The following BRINP3 variants were observed in gnomAD, a reference collection of about 807,000 sequenced individuals.
The protein encoded by BRINP3 is BMP/retinoic acid inducible neural specific 3.
Under a neutral mutation model 71.0 loss-of-function variants are expected in BRINP3, and 19 were observed. That is an observed-to-expected ratio of 0.27 (90% CI 0.19 to 0.39). The LOEUF (loss-of-function observed/expected upper bound fraction) is 0.39, where lower values mean the gene tolerates loss of function less well. Ranked by LOEUF, BRINP3 falls within the 10% of genes least tolerant of loss-of-function variation. BRINP3 has a pLI of 1.00. For missense variants in BRINP3, 959 were observed against 940.8 expected, an observed-to-expected ratio of 1.02 and a Z score of -0.25; for synonymous variants, 380 against 337.7, an observed-to-expected ratio of 1.13 and a Z score of -1.37.
At chr1:190,105,504 C>A (rs1652074124) in intron 7 of BRINP3, among the ~76,000 whole-genome samples, 1 of 152,058 alleles carries the variant, frequency 6.6e-6, no homozygotes, top group Non-Finnish European at 1.5e-5. Context: ...TCACAACTCT[C>A]ACTACTCCCT....
At chr1:190,273,008 C>T (rs1662242309) in intron 3 of BRINP3, among the ~76,000 whole-genome samples, 1 of 150,028 alleles carries the variant, frequency 6.7e-6, no homozygotes, top group South Asian at 2.1e-4. Context: ...GAGAAGGGCA[C>T]TCAATTTACA....
chr1:190,202,803 C>A (rs1655123108), intron 6 of BRINP3, among the ~76,000 whole-genome samples: 1 of 152,066 alleles, frequency 6.6e-6, no homozygotes, highest in Non-Finnish European at 1.5e-5. Flanking sequence ...ATTGTGAGGC[C>A]TCCCCAGCCA....
At chr1:190,277,645 T>G (rs1190107164) in intron 3 of BRINP3, among the ~76,000 whole-genome samples, 1 of 151,768 alleles carries the variant, frequency 6.6e-6, no homozygotes, top group Non-Finnish European at 1.5e-5. Context: ...TTTTGTCATA[T>G]TCACTTATAT....
At chr1:190,163,897 A>G (rs1482734990) in intron 6 of BRINP3, among the ~76,000 whole-genome samples, 1 of 152,152 alleles carries the variant, frequency 6.6e-6, no homozygotes, top group African/African-American at 2.4e-5. Flanking sequence ...TTATCCCAGT[A>G]ATCCTTCATG....
intron 5 of BRINP3, among the ~76,000 whole-genome samples, chr1:190,228,105 A>G (rs1341831092): frequency 6.6e-6 from 1 of 152,018 alleles, no homozygotes; most frequent in Non-Finnish European, 1.5e-5. Context: ...TAAGGCAAGT[A>G]AAAAGTGTTA....
In BRINP3 at chr1:190,146,497, T is replaced by A. The variant is rs189803482; in HGVS notation, c.1184+14171A>T. Among the ~76,000 whole-genome samples the A allele has an allele frequency of 2.3e-3, 353 of 152,286 alleles. 1 individual carries two copies. Among genetic ancestry groups the A allele is most frequent in the African/African-American group, 7.4e-3 (306 of 41,578 alleles). Reference sequence around the variant, plus strand: ...TAAATATTCACTATTTTAATTACTATATCATCATCACCACCATTACTATCA... The same window carrying A: ...TAAATATTCACTATTTTAATTACTAAATCATCATCACCACCATTACTATCA... On this transcript the variant is annotated intron_variant, in intron 7 of 7. Coordinates refer to ENST00000367462, the MANE Select transcript of BRINP3 (RefSeq NM_199051.3).
intron 6 of BRINP3, among the ~76,000 whole-genome samples, chr1:190,202,378 A>G (rs531517049): frequency 6.6e-6 from 1 of 152,296 alleles, no homozygotes; most frequent in East Asian, 1.9e-4. Context: ...TTTTGATTTC[A>G]CAGGATCATA....
intron 2 of BRINP3, among the ~76,000 whole-genome samples, chr1:190,350,614 T>C (rs1378884753): frequency 1.3e-5 from 2 of 152,068 alleles, no homozygotes; most frequent in African/African-American, 4.8e-5. Flanking sequence ...CACTGTGAAA[T>C]TGAGTTTATT....
intron 2 of BRINP3, among the ~76,000 whole-genome samples, chr1:190,452,629 C>T (rs927962649): frequency 6.6e-6 from 1 of 152,156 alleles, no homozygotes; most frequent in African/African-American, 2.4e-5. Context: ...GAGGCCACGG[C>T]AGGCGGATCA....
chr1:190,197,667 A>T (rs1355446692), intron 6 of BRINP3, among the ~76,000 whole-genome samples: 1 of 152,192 alleles, frequency 6.6e-6, no homozygotes, highest in African/African-American at 2.4e-5. Flanking sequence ...CTTATGCAAG[A>T]GGTGGGCTCC....
chr1:190,214,629 G>C (rs1006080734), intron 6 of BRINP3, among the ~76,000 whole-genome samples: 1 of 151,994 alleles, frequency 6.6e-6, no homozygotes, highest in African/African-American at 2.4e-5. Context: ...TTAAGACTTA[G>C]TGTATGCATT....
At chr1:190,374,585 G>T (rs1422449132) in intron 2 of BRINP3, among the ~76,000 whole-genome samples, 4 of 151,958 alleles carry the variant, frequency 2.6e-5, no homozygotes, top group Non-Finnish European at 4.4e-5. Context: ...AACAATCAAA[G>T]AATTCAGTAA....
chr1:190,141,605 A>T (rs1200999306), intron 7 of BRINP3, among the ~76,000 whole-genome samples: 10 of 115,154 alleles, frequency 8.7e-5, no homozygotes, highest in Non-Finnish European at 1.1e-4. Context: ...TCTGTCACCC[A>T]GGCTAGTGTG....
chr1:190,265,854 T>C (rs1661615666), intron 3 of BRINP3, among the ~76,000 whole-genome samples: 1 of 152,206 alleles, frequency 6.6e-6, no homozygotes, highest in Non-Finnish European at 1.5e-5. Flanking sequence ...AAAGCATGTG[T>C]ATGCATATAC....
chr1:190,278,127 A>T (rs1662752139), intron 3 of BRINP3, among the ~76,000 whole-genome samples: 1 of 151,708 alleles, frequency 6.6e-6, no homozygotes, highest in Non-Finnish European at 1.5e-5. Context: ...GCCATTTTTC[A>T]TGTATTTCTT....
intron 2 of BRINP3, among the ~76,000 whole-genome samples, chr1:190,396,052 G>T (rs532515432): frequency 1.1e-3 from 163 of 151,946 alleles, no homozygotes; most frequent in African/African-American, 3.8e-3. Flanking sequence ...TAATGCACCA[G>T]GTGTGACACA....
At chr1:190,263,541 G>A (rs1280511287) in intron 4 of BRINP3, among the ~76,000 whole-genome samples, 1 of 150,884 alleles carries the variant, frequency 6.6e-6, no homozygotes, top group Non-Finnish European at 1.5e-5. Flanking sequence ...AATCTTCCGA[G>A]CATTCTAACC....
intron 2 of BRINP3, among the ~76,000 whole-genome samples, chr1:190,315,903 C>T (rs1665845230): frequency 6.6e-6 from 1 of 152,120 alleles, no homozygotes; most frequent in Admixed American, 6.6e-5. Context: ...CAATACTTCC[C>T]AGCCTCTCAT....
chr1:190,452,822 A>T (rs971737901), intron 2 of BRINP3, among the ~76,000 whole-genome samples: 2 of 152,116 alleles, frequency 1.3e-5, no homozygotes, highest in Non-Finnish European at 2.9e-5. Flanking sequence ...GTGCCACTGC[A>T]CTCCAGCCTT....
Sources: gnomAD v4.1 joint callset for allele counts (sites outside exome capture counted in the v4.1 genomes callset) on GRCh38, gnomAD v4.1.1 for gene constraint, MANE v1.5 for transcripts, NCBI Gene and HGNC (gene_info 2026-07-23, HGNC 2026-07-21) for gene names.